SFI1: variants seen among roughly 807,000 people sequenced by gnomAD.
SFI1 encodes the protein protein SFI1 homolog.
SFI1 carries 195 observed loss-of-function variants against 207.5 expected under a neutral mutation model. The ratio of observed to expected loss-of-function variants is 0.94; its 90% CI spans 0.84 to 1.06. The LOEUF is 1.06. SFI1 is among the 50% of genes least tolerant of loss of function. The pLI, the probability that SFI1 is intolerant of heterozygous loss-of-function variation, is 0.00. For missense variants in SFI1, 1,634 were observed against 1,588.0 expected, an observed-to-expected ratio of 1.03 and a Z score of -0.49; for synonymous variants, 630 against 598.9, an observed-to-expected ratio of 1.05 and a Z score of -0.76.
rs565102255 is a variant in SFI1 at position 31,497,620 on chromosome 22, G to A, written c.-31+983G>A. Among the ~76,000 whole-genome samples, 6 of 152,222 alleles carry A rather than the reference G, an allele frequency of 3.9e-5. No homozygotes were observed. The South Asian group carries it at 1.2e-3, about 32-fold the overall frequency. ...CCACAGTGGCCCCTAAGTGTTCAGT[G>A]AAAGGAAGAGTTCCATGTCTCTCAC... On this transcript the variant is annotated intron_variant, in intron 1 of 32. Coordinates refer to ENST00000400288, the MANE Select transcript of SFI1 (RefSeq NM_001007467.3).
At chr22:31,590,043 G>A (rs2065630359) in intron 15 of SFI1, among the ~76,000 whole-genome samples, 1 of 151,780 alleles carries the variant, frequency 6.6e-6, no homozygotes, top group Non-Finnish European at 1.5e-5. Flanking sequence ...GTAAATCCCA[G>A]TTGAAGGGCA....
intron 2 of SFI1, among the ~76,000 whole-genome samples, chr22:31,520,693 A>G (rs1225563358): frequency 6.6e-6 from 1 of 151,968 alleles, no homozygotes; most frequent in Non-Finnish European, 1.5e-5. Context: ...AGTCATCTCA[A>G]TCAAAATCCA....
rs1289958351 is a variant in SFI1, at chr22:31,557,073, A to G, written c.662+14A>G. On this transcript the variant is annotated intron_variant, in intron 7 of 32. Coordinates refer to ENST00000400288, the MANE Select transcript of SFI1 (RefSeq NM_001007467.3). Reference sequence around the variant, plus strand: ...GATTATCTTACGGTGAGTCTGCTCAACTGCCCTACAAAGTACCAGCCATCA... The same window carrying G: ...GATTATCTTACGGTGAGTCTGCTCAGCTGCCCTACAAAGTACCAGCCATCA... 1.3e-6 allele frequency: 2 copies of G among 1,529,142 alleles called. No individual in the cohort carries two copies. The highest frequency in any genetic ancestry group is 1.8e-5 in the Admixed American group (1 of 55,394). 94.7% of individuals were successfully genotyped at this position (1,529,142 alleles called of 1,614,324 possible).
At chr22:31,515,163 A>G (rs1383477280) in intron 2 of SFI1, among the ~76,000 whole-genome samples, 1 of 152,076 alleles carries the variant, frequency 6.6e-6, no homozygotes, top group African/African-American at 2.4e-5. Context: ...TATCCACCTC[A>G]GAATAGATTG....
chr22:31,573,412 A>G (rs2063149590), intron 9 of SFI1, among the ~76,000 whole-genome samples, 198 bp downstream of exon 9: 1 of 151,632 alleles, frequency 6.6e-6, no homozygotes, highest in Non-Finnish European at 1.5e-5. Flanking sequence ...ATCTGTATCT[A>G]TATCTATCTA....
At chr22:31,582,533 T>G (rs1449072511) in intron 12 of SFI1, among the ~76,000 whole-genome samples, 3 of 151,894 alleles carry the variant, frequency 2.0e-5, no homozygotes, top group African/African-American at 7.3e-5. Context: ...ATTACAGGCG[T>G]GAGCCACGAC....
At chr22:31,612,811 A>G (rs2070595284) in intron 24 of SFI1, 2 of 318,364 alleles carry the variant, frequency 6.3e-6, no homozygotes, top group Non-Finnish European at 5.9e-6. Flanking sequence ...GCCAAGAGGG[A>G]TCACACAGAG....
At chr22:31,521,915 C>T (rs1160624071) in intron 2 of SFI1, among the ~76,000 whole-genome samples, 1 of 151,868 alleles carries the variant, frequency 6.6e-6, no homozygotes, top group Admixed American at 6.6e-5. Flanking sequence ...AGGCATGCGT[C>T]ACCATGCTTG....
At position 31,542,992 on chromosome 22, in the gene SFI1, G is replaced by A. The variant is rs548156492; in HGVS notation, c.339-3869G>A. On this transcript the variant is annotated intron_variant, in intron 4 of 32. Transcript: ENST00000400288. ...TTTTTTTTCTTTTTTTTTTTTTTGA[G>A]ACGGAGTCTCACTCTGTCTCCCAGG... Among the ~76,000 whole-genome samples the A allele has an allele frequency of 6.7e-4, 87 of 129,092 alleles. 1 individual carries two copies. Among genetic ancestry groups the A allele is most frequent in the African/African-American group, 2.3e-3 (82 of 35,056 alleles). The allele number at this position is 129,092 out of a possible 152,430, so 84.7% of individuals were successfully genotyped here.
Sources: gnomAD v4.1 joint callset for allele counts (sites outside exome capture counted in the v4.1 genomes callset) on GRCh38, gnomAD v4.1.1 for gene constraint, MANE v1.5 for transcripts, NCBI Gene and HGNC (gene_info 2026-07-23, HGNC 2026-07-21) for gene names.